Variants in DSE observed in about 807,000 individuals in gnomAD.
DSE encodes dermatan-sulfate epimerase.
In DSE, 36 loss-of-function variants were observed where a neutral mutation model predicts 84.4. That is an observed-to-expected ratio of 0.43 (90% confidence interval 0.33 to 0.56). The LOEUF is 0.56. Among genes scored for constraint, DSE ranks in the 20% least tolerant of loss-of-function variants. The pLI, the probability that DSE is intolerant of heterozygous loss-of-function variation, is 0.06. For missense variants in DSE, 862 were observed against 1,169.6 expected, an observed-to-expected ratio of 0.74 and a Z score of 3.84; for synonymous variants, 410 against 430.1, an observed-to-expected ratio of 0.95 and a Z score of 0.58.
chr6:116,309,480 T>G (rs1473797092), intron 2 of DSE, among the ~76,000 whole-genome samples: 1 of 152,258 alleles, frequency 6.6e-6, no homozygotes, highest in Admixed American at 6.5e-5. Context: ...ATTTATGTAT[T>G]AGTAGATATA....
In DSE at chr6:116,271,489, A is replaced by G. The variant is rs571198185; in HGVS notation, c.-54+12522A>G. Among the ~76,000 whole-genome samples, 3 of 152,316 alleles carry G rather than the reference A, an allele frequency of 2.0e-5. No homozygotes were observed. In the South Asian group the frequency reaches 6.2e-4, roughly 32 times the overall value. ...GAAATGGAAAAGGAAGCTCAGAGAG[A>G]TTCTTGAGAGGGCCCCAGGGAATGT... On this transcript the variant is annotated intron_variant, in intron 2 of 3. Coordinates refer to the DSE transcript ENST00000430252.
At chr6:116,433,283 AC>A (rs1362306937) in intron 4 of DSE, 59 bp from the exon 5 acceptor site, 82 of 1,479,000 alleles carry the variant, frequency 5.5e-5, no homozygotes, top group Non-Finnish European at 7.2e-5. Context: ...CATTGTTTAG[AC>A]CTATATAGGA....
chr6:116,387,361 A>G (rs1233603186), intron 1 of DSE, among the ~76,000 whole-genome samples: 1 of 152,224 alleles, frequency 6.6e-6, no homozygotes, highest in East Asian at 1.9e-4. Context: ...GGAAGAAATG[A>G]AGATGATTTC....
intron 2 of DSE, among the ~76,000 whole-genome samples, chr6:116,353,560 T>C (rs1778429714): frequency 6.6e-6 from 1 of 152,234 alleles, no homozygotes; most frequent in Admixed American, 6.5e-5. Flanking sequence ...TAGCATTGTG[T>C]CCAACACTTT....
intron 2 of DSE, among the ~76,000 whole-genome samples, chr6:116,306,831 G>T (rs1222819645): frequency 6.6e-6 from 1 of 152,140 alleles, no homozygotes; most frequent in African/African-American, 2.4e-5. Flanking sequence ...AGCTCTCTTT[G>T]CCTTGGGAAG....
At chr6:116,330,247 C>G (rs1428042056) in intron 2 of DSE, among the ~76,000 whole-genome samples, 1 of 152,198 alleles carries the variant, frequency 6.6e-6, no homozygotes, top group Non-Finnish European at 1.5e-5. Context: ...AAAACTTTCA[C>G]TGCCTGCATT....
intron 2 of DSE, among the ~76,000 whole-genome samples, chr6:116,311,217 T>G (rs1775675271): frequency 6.6e-6 from 1 of 152,082 alleles, no homozygotes; most frequent in South Asian, 2.1e-4. Flanking sequence ...CCTTCTTTAG[T>G]TTTTTTTACA....
upstream of DSE, chr6:116,366,728 G>A (rs925209713): frequency 2.0e-5 from 3 of 152,172 alleles, no homozygotes; most frequent in Admixed American, 6.5e-5. Flanking sequence ...TTAGTGGAAG[G>A]ATCCTAGATT....
chr6:116,279,208 T>C (rs373024891), intron 2 of DSE: 1 of 1,609,934 alleles, frequency 6.2e-7, no homozygotes, highest in East Asian at 2.2e-5. Flanking sequence ...CTCCAATCTA[T>C]CCTCCTCCGC....
upstream of DSE, chr6:116,369,808 C>T (rs1354322761): frequency 2.6e-5 from 23 of 879,970 alleles, no homozygotes; most frequent in Admixed American, 2.6e-4. Context: ...ACATTTTTTC[C>T]TTATTTGGCC....
At chr6:116,375,229 T>C (rs1779850168) in intron 1 of DSE, among the ~76,000 whole-genome samples, 1 of 146,390 alleles carries the variant, frequency 6.8e-6, no homozygotes, top group African/African-American at 2.4e-5. Context: ...CGATGTACCA[T>C]TTGATGATAA....
rs765462931 is a variant in DSE, at chr6:116,399,476, C to A, written c.226C>A (p.His76Asn). ...TGCAGCCCGCCTCACGGAGGCTGTGCACACGATGCTGTCCAGCCCCTTGGA... is the reference window on the plus strand; with the variant it reads ...TGCAGCCCGCCTCACGGAGGCTGTGAACACGATGCTGTCCAGCCCCTTGGA... ...HIAARLTEAV[H>N]TMLSSPLEYL... is the part of the protein sequence containing the mutation. The change falls in exon 2 of 6, where the codon CAC becomes AAC. Residue 76 changes from histidine (H) to asparagine (N), a missense_variant. His to Asn is a moderately conservative substitution (Grantham distance 68). Around this residue, in one of 4 missense-constraint regions of DSE, gnomAD observed 309 missense variants for 516.9 expected, o/e 0.60. Coordinates refer to ENST00000644252, the MANE Select transcript of DSE (RefSeq NM_013352.4). The A allele has an allele frequency of 6.2e-7, 1 of 1,614,252 alleles. No homozygotes were observed. The highest frequency in any genetic ancestry group is 8.5e-7 in the Non-Finnish European group (1 of 1,180,052).
intron 2 of DSE, among the ~76,000 whole-genome samples, chr6:116,288,882 A>G (rs1379319603): frequency 6.6e-6 from 1 of 152,072 alleles, no homozygotes; most frequent in African/African-American, 2.4e-5. Context: ...ACATTTTATA[A>G]GAGTCTTAAG....
intron 1 of DSE, among the ~76,000 whole-genome samples, chr6:116,258,007 C>T (rs1190354873): frequency 1.3e-5 from 2 of 152,042 alleles, no homozygotes; most frequent in African/African-American, 2.4e-5. Flanking sequence ...TCAGATATAA[C>T]ATTTATTTTT....
At chr6:116,425,785 G>C (rs986849341) in intron 2 of DSE, among the ~76,000 whole-genome samples, 4 of 151,580 alleles carry the variant, frequency 2.6e-5, no homozygotes, top group African/African-American at 9.7e-5. Flanking sequence ...AACACGCCCG[G>C]CTAATTTTTT....
In DSE at chr6:116,435,830, T is replaced by A; in HGVS notation, c.1362T>A (p.Asp454Glu). 1.2e-6 allele frequency: 2 copies of A among 1,614,154 alleles called. No homozygotes were observed. The highest frequency in any genetic ancestry group is 1.7e-6 in the Non-Finnish European group (2 of 1,180,020). The change falls in exon 6 of 6, where the codon GAT becomes GAA. Residue 454 changes from aspartate (D) to glutamate (E), a missense_variant. By Grantham distance (45) the Asp-to-Glu change is conservative (BLOSUM62 2). Around this residue, in one of 4 missense-constraint regions of DSE, gnomAD observed 309 missense variants for 516.9 expected, o/e 0.60. Coordinates refer to ENST00000644252, the MANE Select transcript of DSE (RefSeq NM_013352.4). The stretch of plus-strand genomic sequence containing the variant: ...TTAATGCAGGGCATGAACATCCTGA[T>A]CAAAACTCATTTACTTTTGCTCCCA... ...RNFNAGHEHP[D>E]QNSFTFAPNG...
intron 1 of DSE, among the ~76,000 whole-genome samples, chr6:116,385,448 G>A (rs904234782): frequency 6.6e-6 from 1 of 151,972 alleles, no homozygotes; most frequent in South Asian, 2.1e-4. Context: ...AAAAGTGGCT[G>A]GATTCTGGAC....
intron 3 of DSE, among the ~76,000 whole-genome samples, chr6:116,428,904 A>G (rs1783623449): frequency 6.6e-6 from 1 of 152,234 alleles, no homozygotes; most frequent in Non-Finnish European, 1.5e-5. Context: ...TACAGGGTAT[A>G]GCTTCAATTA....
intron 2 of DSE, among the ~76,000 whole-genome samples, chr6:116,263,471 C>T (rs1772497722): frequency 6.6e-6 from 1 of 151,888 alleles, no homozygotes; most frequent in Non-Finnish European, 1.5e-5. Flanking sequence ...TTTTCTCCAT[C>T]CCTTTATTTT....
Sources: allele counts gnomAD v4.1 joint callset (sites outside exome capture counted in the v4.1 genomes callset), GRCh38; gene constraint gnomAD v4.1.1; regional missense constraint gnomAD v4.1.1; transcripts MANE v1.5; gene names NCBI Gene and HGNC (gene_info 2026-07-23, HGNC 2026-07-21).